DCAF13: variants seen among roughly 807,000 people sequenced by gnomAD.
The protein encoded by DCAF13 is DDB1- and CUL4-associated factor 13.
Under a neutral mutation model 59.0 loss-of-function variants are expected in DCAF13, and 38 were observed. The observed-to-expected ratio is 0.64, with a 90% CI of 0.50 to 0.84. DCAF13 has a LOEUF of 0.84. Among genes scored for constraint, DCAF13 ranks in the 40% least tolerant of loss-of-function variants. The pLI, the probability that DCAF13 is intolerant of heterozygous loss-of-function variation, is 0.00. For synonymous variants in DCAF13, 173 were observed against 175.0 expected (o/e 0.99, Z 0.09); for missense variants, 469 against 558.4 (o/e 0.84, Z 1.61).
chr8:103,418,848 A>ATATATATT (rs1554630629), intron 1 of DCAF13, among the ~76,000 whole-genome samples: 1 of 16,932 alleles, frequency 5.9e-5, no homozygotes, highest in African/African-American at 2.8e-4. Flanking sequence ...ATATATATAT[A>ATATATATT]TATATATATA....
intron 6 of DCAF13, 137 bp downstream of exon 6, chr8:103,430,826 A>C: frequency 1.9e-6 from 1 of 531,396 alleles, no homozygotes; most frequent in Non-Finnish European, 3.2e-6. Flanking sequence ...AGAACTCTAC[A>C]TGATGATAGT....
intron 1 of DCAF13, among the ~76,000 whole-genome samples, chr8:103,415,979 C>G (rs1203523214): frequency 6.6e-6 from 1 of 152,102 alleles, no homozygotes; most frequent in African/African-American, 2.4e-5. Flanking sequence ...TCTTACCATC[C>G]CTTAAGAAGT....
chr8:103,425,909 G>C (rs1275403536), intron 3 of DCAF13, 147 bp from the exon 4 acceptor site: 8 of 570,042 alleles, frequency 1.4e-5, no homozygotes, highest in Non-Finnish European at 2.6e-5. Context: ...AAAACAAGGT[G>C]GGATATAAAT....
chr8:103,435,711 T>G lies in DCAF13; in HGVS notation c.871T>G (p.Ser291Ala), dbSNP rs138536020. 17 of 1,613,706 alleles carry G rather than the reference T, an allele frequency of 1.1e-5. No individual in the cohort carries two copies. The highest frequency in any genetic ancestry group is 1.4e-5 in the Non-Finnish European group (17 of 1,179,746). Residue 291 changes from serine (S) to alanine (A), a missense_variant, in exon 8 of 11, where the codon TCT becomes GCT. This residue lies in a region of DCAF13 where 355 missense variants were observed against 399.1 expected (regional missense o/e 0.89). Coordinates refer to ENST00000612750, the MANE Select transcript of DCAF13 (RefSeq NM_015420.7). ...HVSAVLDVDY[S>A]PTGKEFVSAS... is the part of the protein sequence containing the mutation. ...ATCTGCAGTGCTTGATGTGGATTAC[T>G]CTCCCACTGGGAAGGAGTTTGTGTC... is the stretch of plus-strand genomic sequence containing the variant.
chr8:103,417,605 G>A lies in DCAF13; in HGVS notation c.70+2089G>A, dbSNP rs550766627. 2.1e-5 allele frequency among the ~76,000 whole-genome samples: 3 copies of A among 142,564 alleles called. No individual in the cohort carries two copies. In the South Asian group the frequency reaches 6.6e-4, roughly 31 times the overall value. 93.5% of individuals were successfully genotyped at this position (142,564 alleles called of 152,430 possible). A position where few individuals can be genotyped will look rare whatever the true frequency, so the allele number is the denominator to read the frequency against. ...TGCAGTGAGCCGAGATTGCGTCACT[G>A]CACTCCAGCCTGGGTGACAGAGGGA... On this transcript the variant is annotated intron_variant, in intron 1 of 10. Transcript: ENST00000612750.
chr8:103,423,204 G>GC (rs2130479165), intron 3 of DCAF13, among the ~76,000 whole-genome samples: 1 of 152,100 alleles, frequency 6.6e-6, no homozygotes, highest in South Asian at 2.1e-4. Context: ...TAATAGCTCA[G>GC]CCAGAGGACT....
At chr8:103,432,547 G>A (rs1017258361) in intron 6 of DCAF13, 112 bp from the exon 7 acceptor site, 1 of 533,600 alleles carries the variant, frequency 1.9e-6, no homozygotes, top group Admixed American at 2.9e-5. Context: ...TCTTCCCATT[G>A]CACTGAGCTG....
At chr8:103,418,860 A>G (rs1326770938) in intron 1 of DCAF13, among the ~76,000 whole-genome samples, 1 of 34,632 alleles carries the variant, frequency 2.9e-5, no homozygotes, top group Non-Finnish European at 4.8e-5. Context: ...ATATATATAT[A>G]TATATATTTT....
intron 1 of DCAF13, among the ~76,000 whole-genome samples, chr8:103,419,175 C>T (rs3098239): frequency 0.052 from 7,925 of 151,970 alleles, 271 homozygotes; most frequent in Non-Finnish European, 0.078. Flanking sequence ...TGAGCCACCA[C>T]GCCCGGCCCT....
At chr8:103,440,075 AGTG>A in intron 8 of DCAF13, 58 bp from the exon 9 acceptor site, 5 of 1,301,902 alleles carry the variant, frequency 3.8e-6, no homozygotes, top group Non-Finnish European at 5.1e-6. Flanking sequence ...CTTAATAGGC[AGTG>A]GTTACTCAAA....
chr8:103,429,636 G>A lies in DCAF13; in HGVS notation c.625-976G>A, dbSNP rs1014557730. Reference sequence around the variant, plus strand: ...AATTGACTTACAAATAAAATAATTAGAAAAATCTTCAAACAGTTGGACAAA... The same window carrying A: ...AATTGACTTACAAATAAAATAATTAAAAAAATCTTCAAACAGTTGGACAAA... On this transcript the variant is annotated intron_variant, in intron 5 of 10. Transcript: ENST00000612750. The A allele has an allele frequency of 3.3e-5, 5 of 152,192 alleles. No individual in the cohort carries two copies. The East Asian group carries it at 7.7e-4, about 24-fold the overall frequency. The allele number at this position is 152,192 out of a possible 1,614,324, so 9.4% of individuals were successfully genotyped here. A position where few individuals can be genotyped will look rare whatever the true frequency, so the allele number is the denominator to read the frequency against.
rs915234538 is a variant in DCAF13, at chr8:103,432,659, G to A, written c.703G>A (p.Val235Ile). Residue 235 changes from valine to isoleucine, a missense_variant and splice_region_variant, in exon 7 of 11, where the codon GTT becomes ATT. Transcript: ENST00000612750. ...AATTCATCCATTCTTCCTTTCTCAGGTTATCTTAGATATGAGAACAAATAC... is the reference window on the plus strand; with the variant it reads ...AATTCATCCATTCTTCCTTTCTCAGATTATCTTAGATATGAGAACAAATAC... ...DMRQATPLKK[V>I]ILDMRTNTIC... 1 of 1,576,316 alleles carries A rather than the reference G, an allele frequency of 6.3e-7. No homozygotes were observed. Among genetic ancestry groups the A allele is most frequent in the Non-Finnish European group, 8.7e-7 (1 of 1,149,696 alleles).
At chr8:103,418,969 C>T (rs1484057867) in intron 1 of DCAF13, among the ~76,000 whole-genome samples, 1 of 144,714 alleles carries the variant, frequency 6.9e-6, no homozygotes, top group Non-Finnish European at 1.5e-5. Flanking sequence ...CTGCAACCTC[C>T]ACCTCCCAGG....
At chr8:103,437,201 G>A (rs1007356392) in intron 8 of DCAF13, among the ~76,000 whole-genome samples, 1 of 152,072 alleles carries the variant, frequency 6.6e-6, no homozygotes, top group Non-Finnish European at 1.5e-5. Flanking sequence ...TATTCACTTA[G>A]GCCCAAGGCA....
In DCAF13 at chr8:103,418,825, TA is replaced by T. The variant is rs1586124827; in HGVS notation, c.71-1438del. On this transcript the variant is annotated intron_variant, in intron 1 of 10. Transcript: ENST00000612750. ...CTTAAAATTACTTTCTAAGCATAAT[TA>T]TATATATATATATATATATATATAT... 7.6e-3 allele frequency among the ~76,000 whole-genome samples: 49 copies of T among 6,464 alleles called. 1 individual carries two copies. Among genetic ancestry groups the T allele is most frequent in the South Asian group, 6.0e-3 (1 of 168 alleles). The allele number at this position is 6,464 out of a possible 152,430, so 4.2% of individuals were successfully genotyped here.
At chr8:103,428,225 C>T (rs578232140) in intron 5 of DCAF13, 1 of 152,328 alleles carries the variant, frequency 6.6e-6, no homozygotes, top group East Asian at 1.9e-4. Flanking sequence ...TCAGAGGACA[C>T]TCTTCCTGCA....
chr8:103,436,613 T>G (rs937115421), intron 8 of DCAF13, among the ~76,000 whole-genome samples: 4 of 152,172 alleles, frequency 2.6e-5, no homozygotes, highest in Admixed American at 2.0e-4. Flanking sequence ...AAGAGGTAGT[T>G]TACAGAAAGT....
intron 1 of DCAF13, among the ~76,000 whole-genome samples, chr8:103,416,517 C>G (rs894071088): frequency 6.6e-6 from 1 of 152,060 alleles, no homozygotes; most frequent in African/African-American, 2.4e-5. Context: ...TTTTTAAGGC[C>G]TCCTGTGGCA....
rs372192553 is a variant in DCAF13 at position 103,422,554 on chromosome 8, AGAATAAT to A, written c.378+1476_378+1482del. 2.5e-4 allele frequency among the ~76,000 whole-genome samples: 38 copies of A among 152,340 alleles called. 1 individual carries two copies. The highest frequency in any genetic ancestry group is 9.1e-4 in the African/African-American group (38 of 41,578). On this transcript the variant is annotated intron_variant, in intron 3 of 10. Coordinates refer to ENST00000612750, the MANE Select transcript of DCAF13 (RefSeq NM_015420.7). The stretch of plus-strand genomic sequence containing the variant: ...TAGTCAGTTTTGTGAACTACTACAA[AGAATAAT>A]GAAAAATGAAGACTGAGGAAAACAT...
Sources: gnomAD v4.1 joint callset for allele counts (sites outside exome capture counted in the v4.1 genomes callset) on GRCh38, gnomAD v4.1.1 for gene constraint, gnomAD v4.1.1 regional missense constraint, MANE v1.5 for transcripts, NCBI Gene and HGNC (gene_info 2026-07-23, HGNC 2026-07-21) for gene names.